BLTP3A: variants seen among roughly 807,000 people sequenced by gnomAD.
The protein encoded by BLTP3A is bridge-like lipid transfer protein family member 3A, also known as ICBP90 binding protein 1.
chr6:34,800,908 T>C, the BLTP3A span, among the ~76,000 whole-genome samples: 1 of 152,044 alleles, frequency 6.6e-6, no homozygotes, highest in Non-Finnish European at 1.5e-5. Flanking sequence ...TTTGTATTTT[T>C]AGTAGAGATG....
chr6:34,829,391 G>C, the BLTP3A span, among the ~76,000 whole-genome samples: 1 of 152,142 alleles, frequency 6.6e-6, no homozygotes, highest in Admixed American at 6.6e-5. Context: ...ATGTTTTCAA[G>C]GTTCAGGCAT....
At chr6:34,841,677 T>C in the BLTP3A span, among the ~76,000 whole-genome samples, 1 of 152,148 alleles carries the variant, frequency 6.6e-6, no homozygotes, top group Non-Finnish European at 1.5e-5. Context: ...CCCTGGGTAT[T>C]AGAGGTGAAA....
At chr6:34,848,734 G>T in the BLTP3A span, among the ~76,000 whole-genome samples, 2 of 151,926 alleles carry the variant, frequency 1.3e-5, no homozygotes, top group East Asian at 3.8e-4. Context: ...TTCTTGTAGA[G>T]AACAGATCAC....
At chr6:34,857,333 C>T in the BLTP3A span, 1 of 1,613,898 alleles carries the variant, frequency 6.2e-7, no homozygotes, top group Non-Finnish European at 8.5e-7. Flanking sequence ...GTTTAGGTTT[C>T]CACCGCTGGA....
chr6:34,802,644 A>T, the BLTP3A span, among the ~76,000 whole-genome samples: 497 of 152,230 alleles, frequency 3.3e-3, 1 homozygote, highest in Non-Finnish European at 5.5e-3. Flanking sequence ...TACAGGTGTG[A>T]GCCACCCTGC....
chr6:34,856,625 G>A, the BLTP3A span, among the ~76,000 whole-genome samples: 3 of 152,102 alleles, frequency 2.0e-5, no homozygotes, highest in Admixed American at 2.0e-4. Flanking sequence ...CTGTTGCCTT[G>A]GTCTTAAGAA....
chr6:34,856,330 A>G, the BLTP3A span: 1 of 1,614,092 alleles, frequency 6.2e-7, no homozygotes, highest in Non-Finnish European at 8.5e-7. Context: ...TTCAGAGCAA[A>G]ATGGAGAAGT....
the BLTP3A span, among the ~76,000 whole-genome samples, chr6:34,812,666 C>T: frequency 4.8e-4 from 73 of 151,444 alleles, no homozygotes; most frequent in African/African-American, 1.6e-3. Flanking sequence ...GACAGGGTCT[C>T]GCTTTGTTGT....
chr6:34,818,481 G>A, the BLTP3A span, among the ~76,000 whole-genome samples: 3 of 150,740 alleles, frequency 2.0e-5, no homozygotes, highest in African/African-American at 7.3e-5. Context: ...AAAAAAAAAA[G>A]AAAAAAACGA....
chr6:34,827,172 G>A, the BLTP3A span, among the ~76,000 whole-genome samples: 794 of 152,096 alleles, frequency 5.2e-3, 4 homozygotes, highest in African/African-American at 0.017. Flanking sequence ...TTAGCCGGGC[G>A]TGGTGGCGCG....
At chr6:34,824,282 C>T in the BLTP3A span, among the ~76,000 whole-genome samples, 2 of 152,056 alleles carry the variant, frequency 1.3e-5, no homozygotes, top group African/African-American at 2.4e-5. Flanking sequence ...CCTGTAATCC[C>T]AGCACTTTGG....
chr6:34,859,576 G>C, the BLTP3A span: 3 of 1,613,440 alleles, frequency 1.9e-6, no homozygotes, highest in Non-Finnish European at 2.5e-6. Flanking sequence ...AGCCAAGTAA[G>C]TGGCTCTGTA....
the BLTP3A span, among the ~76,000 whole-genome samples, chr6:34,802,956 G>A: frequency 6.6e-6 from 1 of 152,008 alleles, no homozygotes; most frequent in Non-Finnish European, 1.5e-5. Context: ...TGGACAGATC[G>A]CTTGAGCTCA....
chr6:34,804,375 T>A, the BLTP3A span, among the ~76,000 whole-genome samples: 2 of 152,130 alleles, frequency 1.3e-5, no homozygotes, highest in Non-Finnish European at 2.9e-5. Flanking sequence ...CAGTAGGAAC[T>A]CAAAGACAAA....
the BLTP3A span, among the ~76,000 whole-genome samples, chr6:34,810,294 A>G: frequency 6.6e-6 from 1 of 152,360 alleles, no homozygotes; most frequent in East Asian, 1.9e-4. Context: ...CAAGAAACAC[A>G]AGAGACCACT....
At chr6:34,802,191 ATTAT>A in the BLTP3A span, among the ~76,000 whole-genome samples, 33 of 151,934 alleles carry the variant, frequency 2.2e-4, no homozygotes, top group African/African-American at 7.7e-4. Flanking sequence ...CTGCATTTTT[ATTAT>A]TTATTATTTA....
At chr6:34,867,871 G>T in the BLTP3A span, among the ~76,000 whole-genome samples, 2 of 152,156 alleles carry the variant, frequency 1.3e-5, no homozygotes, top group African/African-American at 4.8e-5. Context: ...TATAGATGAG[G>T]ACAGTGTCCA....
the BLTP3A span, chr6:34,870,779 G>C: frequency 5.3e-6 from 8 of 1,521,354 alleles, no homozygotes; most frequent in Admixed American, 2.0e-5. Flanking sequence ...GGGTTATTAT[G>C]AATATTGGTA....
the BLTP3A span, among the ~76,000 whole-genome samples, chr6:34,865,185 C>G: frequency 6.6e-6 from 1 of 152,170 alleles, no homozygotes; most frequent in Admixed American, 6.5e-5. Flanking sequence ...ACATTTCCTC[C>G]TAACCCCTCC....
Sources: gnomAD v4.1 joint callset for allele counts (sites outside exome capture counted in the v4.1 genomes callset) on GRCh38, gnomAD v4.1.1 for gene constraint, MANE v1.5 for transcripts, NCBI Gene and HGNC (gene_info 2026-07-23, HGNC 2026-07-21) for gene names.